Variants in KIAA0825 observed in about 807,000 individuals in gnomAD.
KIAA0825 encodes KIAA0825.
In KIAA0825, 119 loss-of-function variants were observed where a neutral mutation model predicts 147.6. That is an observed-to-expected ratio of 0.81 (90% CI 0.69 to 0.94). The LOEUF (loss-of-function observed/expected upper bound fraction) is 0.94. Among genes scored for constraint, KIAA0825 ranks in the 40% least tolerant of loss-of-function variants. The probability of loss-of-function intolerance (pLI) is 0.00; values close to 1 mark genes in which losing one functional copy is unlikely to be tolerated. For missense variants in KIAA0825, 1,381 were observed against 1,472.7 expected (o/e 0.94, Z 1.02); for synonymous variants, 470 against 518.1 (o/e 0.91, Z 1.26).
chr5:94,389,370 G>C (rs535973771), intron 18 of KIAA0825, among the ~76,000 whole-genome samples: 1 of 152,158 alleles, frequency 6.6e-6, no homozygotes, highest in African/African-American at 2.4e-5. Context: ...ATGTCTTGTG[G>C]GCCAGCTCTG....
At chr5:94,457,771 T>C (rs1056627339) in intron 12 of KIAA0825, among the ~76,000 whole-genome samples, 1 of 152,242 alleles carries the variant, frequency 6.6e-6, no homozygotes, top group African/African-American at 2.4e-5. Flanking sequence ...GGTTTTATGC[T>C]TCTCTTGTGT....
intron 20 of KIAA0825, among the ~76,000 whole-genome samples, chr5:94,170,003 TC>T (rs1768452112): frequency 6.6e-6 from 1 of 152,126 alleles, no homozygotes; most frequent in East Asian, 1.9e-4. Context: ...AGGGTACATC[TC>T]CCACGTAAGC....
chr5:94,292,775 G>A (rs1777957500), intron 20 of KIAA0825, among the ~76,000 whole-genome samples: 1 of 151,870 alleles, frequency 6.6e-6, no homozygotes, highest in South Asian at 2.1e-4. Flanking sequence ...GACTATTACT[G>A]CCTCAATTTC....
intron 20 of KIAA0825, among the ~76,000 whole-genome samples, chr5:94,300,720 A>C (rs1778359037): frequency 6.7e-6 from 1 of 149,176 alleles, no homozygotes; most frequent in Non-Finnish European, 1.5e-5. Context: ...TATGTATTTC[A>C]AAAAAAACTT....
chr5:94,412,341 C>G (rs546141918), intron 15 of KIAA0825, among the ~76,000 whole-genome samples: 1 of 152,192 alleles, frequency 6.6e-6, no homozygotes, highest in Non-Finnish European at 1.5e-5. Flanking sequence ...ACAAAATTTT[C>G]ACACATCATT....
At chr5:94,246,668 G>A (rs996985401) in intron 20 of KIAA0825, among the ~76,000 whole-genome samples, 1 of 152,132 alleles carries the variant, frequency 6.6e-6, no homozygotes, top group African/African-American at 2.4e-5. Context: ...CATACATAGA[G>A]CAGATATGAG....
chr5:94,590,929 GAA>G (rs920204038), intron 1 of KIAA0825, among the ~76,000 whole-genome samples: 5 of 152,154 alleles, frequency 3.3e-5, no homozygotes, highest in Non-Finnish European at 5.9e-5. Context: ...GAGCAATGTA[GAA>G]AATGTTTAAA....
intron 15 of KIAA0825, among the ~76,000 whole-genome samples, chr5:94,406,848 C>T (rs1016030841): frequency 6.6e-6 from 1 of 152,154 alleles, no homozygotes; most frequent in African/African-American, 2.4e-5. Flanking sequence ...CTATACACAA[C>T]GTCCCAGTTT....
intron 20 of KIAA0825, among the ~76,000 whole-genome samples, chr5:94,341,225 T>C (rs1042805309): frequency 1.3e-5 from 2 of 152,242 alleles, no homozygotes; most frequent in African/African-American, 2.4e-5. Flanking sequence ...TTTAAAAATA[T>C]GTGAAGTGCC....
intron 20 of KIAA0825, among the ~76,000 whole-genome samples, chr5:94,346,661 G>A (rs775014509): frequency 3.3e-5 from 5 of 152,204 alleles, no homozygotes; most frequent in Non-Finnish European, 7.3e-5. Context: ...GCAGCAGAAA[G>A]GCCCTGGGAG....
chr5:94,564,557 T>G (rs1462936819), intron 2 of KIAA0825, among the ~76,000 whole-genome samples: 2 of 150,056 alleles, frequency 1.3e-5, no homozygotes, highest in Non-Finnish European at 3.0e-5. Context: ...TGTGTGTGTG[T>G]GTGTGTGTGT....
At chr5:94,468,585 A>G (rs1285067314) in intron 10 of KIAA0825, among the ~76,000 whole-genome samples, 1 of 152,204 alleles carries the variant, frequency 6.6e-6, no homozygotes, top group African/African-American at 2.4e-5. Flanking sequence ...ATGCTCTTGC[A>G]AAAAGAAAAA....
Position 94,474,174 on chromosome 5 carries a change from T to TG in KIAA0825, c.1228-656dup, listed in dbSNP as rs543136170. Among the ~76,000 whole-genome samples the TG allele has an allele frequency of 3.5e-3, 529 of 152,106 alleles. 4 individuals carry two copies. Among genetic ancestry groups the TG allele is most frequent in the South Asian group, 1.0e-2 (48 of 4,816 alleles). ...ATCTGCACTGTTCTATTGTGGTGGT[T>TG]GGGGGGGTACTTGGAAGGGAGTAGA... On this transcript the variant is annotated intron_variant, in intron 7 of 20. Coordinates refer to ENST00000682413, the MANE Select transcript of KIAA0825 (RefSeq NM_001145678.3).
At chr5:94,164,713 T>A (rs1424043455) in intron 20 of KIAA0825, among the ~76,000 whole-genome samples, 1 of 152,006 alleles carries the variant, frequency 6.6e-6, no homozygotes, top group Non-Finnish European at 1.5e-5. Flanking sequence ...TGCCCGGCCT[T>A]AGTGAACTCA....
At chr5:94,251,684 G>C (rs1775969821) in intron 20 of KIAA0825, among the ~76,000 whole-genome samples, 1 of 152,032 alleles carries the variant, frequency 6.6e-6, no homozygotes. Context: ...TAATTCACTT[G>C]CTTCTCATAT....
intron 20 of KIAA0825, among the ~76,000 whole-genome samples, chr5:94,306,409 G>A (rs917535095): frequency 4.0e-5 from 6 of 151,814 alleles, no homozygotes; most frequent in African/African-American, 1.4e-4. Flanking sequence ...AAATGATTTA[G>A]TATAATGAAC....
At chr5:94,258,124 C>CT (rs1349043293) in intron 20 of KIAA0825, among the ~76,000 whole-genome samples, 1 of 151,978 alleles carries the variant, frequency 6.6e-6, no homozygotes, top group Non-Finnish European at 1.5e-5. Flanking sequence ...GGGTCAGCAT[C>CT]TTTTTTCAGT....
intron 9 of KIAA0825, 46 bp from the exon 10 acceptor site, chr5:94,470,157 C>T: frequency 1.4e-6 from 2 of 1,426,876 alleles, no homozygotes; most frequent in Non-Finnish European, 1.9e-6. Context: ...AAGGCCTGTG[C>T]AGTAGGAGAT....
At chr5:94,167,895 C>T (rs1193380423) in intron 20 of KIAA0825, among the ~76,000 whole-genome samples, 2 of 151,512 alleles carry the variant, frequency 1.3e-5, no homozygotes, top group African/African-American at 4.8e-5. Flanking sequence ...TTCCCACTCC[C>T]CACAATTTAT....
Sources: allele counts gnomAD v4.1 joint callset (sites outside exome capture counted in the v4.1 genomes callset), GRCh38; gene constraint gnomAD v4.1.1; transcripts MANE v1.5; gene names NCBI Gene and HGNC (gene_info 2026-07-23, HGNC 2026-07-21).